The following PM20D2 variants were observed in gnomAD, a reference collection of about 807,000 sequenced individuals.
PM20D2 encodes peptidase M20 domain containing 2.
PM20D2 carries 33 observed loss-of-function variants against 42.9 expected under a neutral mutation model. The ratio of observed to expected loss-of-function variants is 0.77; its 90% CI spans 0.58 to 1.03. PM20D2 has a LOEUF of 1.03. Among genes scored for constraint, PM20D2 ranks in the 50% least tolerant of loss-of-function variants. PM20D2 has a pLI of 0.00. For missense variants in PM20D2, 548 were observed against 557.0 expected, an observed-to-expected ratio of 0.98 and a Z score of 0.16; for synonymous variants, 250 against 228.2, an observed-to-expected ratio of 1.10 and a Z score of -0.86.
the PM20D2 span, among the ~76,000 whole-genome samples, chr6:89,101,212 A>G: frequency 2.0e-5 from 3 of 152,212 alleles, no homozygotes; most frequent in African/African-American, 7.2e-5. Context: ...AATCCCTAAA[A>G]GAACACAGCA....
chr6:89,154,002 T>C (rs1025946265), intron 3 of PM20D2, among the ~76,000 whole-genome samples: 1 of 152,224 alleles, frequency 6.6e-6, no homozygotes, highest in Non-Finnish European at 1.5e-5. Flanking sequence ...TATTTCCTTA[T>C]GATTTAGGAA....
the PM20D2 span, among the ~76,000 whole-genome samples, chr6:89,131,956 C>T: frequency 6.6e-6 from 1 of 152,046 alleles, no homozygotes; most frequent in Non-Finnish European, 1.5e-5. Flanking sequence ...CTGGTTGCAC[C>T]GATTCAACTT....
chr6:89,118,797 G>C, the PM20D2 span, among the ~76,000 whole-genome samples: 6 of 152,282 alleles, frequency 3.9e-5, no homozygotes, highest in African/African-American at 1.4e-4. Flanking sequence ...ATTCTAGAGG[G>C]GGGACAAACG....
chr6:89,130,048 A>G, the PM20D2 span, among the ~76,000 whole-genome samples: 22 of 99,670 alleles, frequency 2.2e-4, no homozygotes, highest in Admixed American at 2.0e-3. Flanking sequence ...TCTCTTCTAA[A>G]TTAAAAAAAA....
chr6:89,115,401 G>T, the PM20D2 span, among the ~76,000 whole-genome samples: 2 of 151,982 alleles, frequency 1.3e-5, no homozygotes, highest in African/African-American at 4.8e-5. Context: ...TCGTGCCTCA[G>T]TCTCCTGAGT....
the PM20D2 span, among the ~76,000 whole-genome samples, chr6:89,104,938 AC>A: frequency 6.6e-6 from 1 of 151,872 alleles, no homozygotes; most frequent in Non-Finnish European, 1.5e-5. Context: ...CACCTGTAGT[AC>A]CCGCTACTTG....
chr6:89,145,881 G>A (rs531871766), upstream of PM20D2, among the ~76,000 whole-genome samples: 3 of 152,350 alleles, frequency 2.0e-5, no homozygotes, highest in East Asian at 5.8e-4. Flanking sequence ...CAAGGAGGTG[G>A]AAGAGTCCCG....
chr6:89,099,957 C>G, the PM20D2 span, among the ~76,000 whole-genome samples: 1 of 152,104 alleles, frequency 6.6e-6, no homozygotes, highest in Non-Finnish European at 1.5e-5. Flanking sequence ...TTTACTAAGA[C>G]CATTTTTCAA....
At chr6:89,145,615 G>T (rs1770501939), upstream of PM20D2, among the ~76,000 whole-genome samples, 1 of 152,096 alleles carries the variant, frequency 6.6e-6, no homozygotes, top group Non-Finnish European at 1.5e-5. Context: ...AAGAAAGTGG[G>T]GGCAGTACCG....
chr6:89,117,859 G>C, the PM20D2 span: 2 of 1,562,784 alleles, frequency 1.3e-6, no homozygotes, highest in Admixed American at 3.7e-5. Context: ...GAACAGGGAG[G>C]TGTTGGGGGG....
chr6:89,118,572 C>T, the PM20D2 span, among the ~76,000 whole-genome samples: 12 of 152,224 alleles, frequency 7.9e-5, no homozygotes, highest in African/African-American at 2.7e-4. Flanking sequence ...CCGCCTCGGC[C>T]TTCCAAAGTG....
the PM20D2 span, among the ~76,000 whole-genome samples, chr6:89,111,674 C>T: frequency 1.3e-5 from 2 of 152,040 alleles, no homozygotes; most frequent in Non-Finnish European, 2.9e-5. Context: ...TGCAATAAAA[C>T]GTTGGCGGTT....
At chr6:89,151,763 G>A (rs942455465) in intron 2 of PM20D2, among the ~76,000 whole-genome samples, 31 of 152,006 alleles carry the variant, frequency 2.0e-4, no homozygotes, top group African/African-American at 6.8e-4. Context: ...AATCCTTCTC[G>A]TTTTTATAAT....
the PM20D2 span, chr6:89,098,720 C>T: frequency 6.2e-7 from 1 of 1,613,956 alleles, no homozygotes; most frequent in Non-Finnish European, 8.5e-7. Context: ...GTCAGAATGT[C>T]TTCCATGTGA....
chr6:89,095,285 A>G, the PM20D2 span, among the ~76,000 whole-genome samples: 70,666 of 152,060 alleles, frequency 0.46, 16,851 homozygotes, highest in East Asian at 0.74. Context: ...GAGTATAGTG[A>G]CACCATCTCG....
chr6:89,117,299 A>G, the PM20D2 span, among the ~76,000 whole-genome samples: 55 of 152,376 alleles, frequency 3.6e-4, no homozygotes, highest in Non-Finnish European at 8.8e-5. Context: ...AAATGCAAGC[A>G]GCACCGTCTG....
chr6:89,152,394 C>T (rs941609363), intron 2 of PM20D2, among the ~76,000 whole-genome samples: 3 of 152,042 alleles, frequency 2.0e-5, no homozygotes, highest in South Asian at 2.1e-4. Flanking sequence ...CTATTCAACA[C>T]GCAATCCTTT....
the PM20D2 span, among the ~76,000 whole-genome samples, chr6:89,124,739 T>TTTTG: frequency 2.2e-5 from 3 of 138,054 alleles, no homozygotes; most frequent in African/African-American, 8.2e-5. Flanking sequence ...TGTTGTTGTT[T>TTTTG]TTTTTTTTTT....
At chr6:89,116,774 TA>T in the PM20D2 span, among the ~76,000 whole-genome samples, 63,814 of 135,006 alleles carry the variant, frequency 0.47, 15,250 homozygotes, top group Non-Finnish European at 0.58. Context: ...AGACTTTGTC[TA>T]AAAAAAAAAA....
Sources: gnomAD v4.1 joint callset for allele counts (sites outside exome capture counted in the v4.1 genomes callset) on GRCh38, gnomAD v4.1.1 for gene constraint, MANE v1.5 for transcripts, NCBI Gene and HGNC (gene_info 2026-07-23, HGNC 2026-07-21) for gene names.